NTM: variants seen among roughly 807,000 people sequenced by gnomAD.
NTM encodes IgLON family member 2.
A neutral mutation model predicts 42.1 loss-of-function variants in NTM; 13 were observed. The ratio of observed to expected loss-of-function variants is 0.31; its 90% confidence interval spans 0.20 to 0.49. The LOEUF is 0.49. Ranked by LOEUF, NTM falls within the 20% of genes least tolerant of loss-of-function variation. NTM has a pLI of 0.99. For missense variants in NTM, 373 were observed against 452.8 expected, an observed-to-expected ratio of 0.82 and a Z score of 1.60; for synonymous variants, 187 against 179.2, an observed-to-expected ratio of 1.04 and a Z score of -0.35.
At chr11:131,871,173 G>A (rs537111120) in intron 1 of NTM, among the ~76,000 whole-genome samples, 24 of 152,302 alleles carry the variant, frequency 1.6e-4, no homozygotes, top group African/African-American at 5.5e-4. Context: ...TTTAATCAGG[G>A]AGAACATGAA....
chr11:132,275,990 T>TC (rs1342764533), intron 4 of NTM, among the ~76,000 whole-genome samples: 5 of 151,962 alleles, frequency 3.3e-5, no homozygotes, highest in Non-Finnish European at 1.5e-5. Flanking sequence ...CATCCTCGCC[T>TC]CCTGCTTCTC....
At chr11:131,586,566 C>T (rs762943932) in intron 1 of NTM, among the ~76,000 whole-genome samples, 4 of 152,148 alleles carry the variant, frequency 2.6e-5, no homozygotes, top group Non-Finnish European at 4.4e-5. Context: ...GATGAGACCA[C>T]AGCTCTGGCC....
intron 1 of NTM, among the ~76,000 whole-genome samples, chr11:131,639,874 T>G (rs2064908328): frequency 6.6e-6 from 1 of 151,948 alleles, no homozygotes; most frequent in African/African-American, 2.4e-5. Flanking sequence ...GAGAATCACT[T>G]GAACCCGGGA....
chr11:131,581,607 A>C (rs58575147), intron 1 of NTM, among the ~76,000 whole-genome samples: 2 of 152,120 alleles, frequency 1.3e-5, no homozygotes, highest in Admixed American at 6.5e-5. Context: ...CTTCCTCGTT[A>C]TTCTGACTCT....
At position 131,621,860 on chromosome 11, in the gene NTM, T is replaced by A. The variant is rs867907008; in HGVS notation, c.82+250972T>A. Reference sequence around the variant, plus strand: ...AAAAAAAAAGGAAGCTACAGACAAGTGGGGAAAGAATTATTTCTATGTGGA... The same window carrying A: ...AAAAAAAAAGGAAGCTACAGACAAGAGGGGAAAGAATTATTTCTATGTGGA... On this transcript the variant is annotated intron_variant, in intron 1 of 8. Transcript: ENST00000683400. Among the ~76,000 whole-genome samples the A allele has an allele frequency of 2.7e-3, 374 of 138,054 alleles. 4 individuals carry two copies. The highest frequency in any genetic ancestry group is 9.7e-3 in the African/African-American group (360 of 37,026). 90.6% of individuals were successfully genotyped at this position (138,054 alleles called of 152,430 possible).
chr11:131,908,762 T>A (rs929132673), intron 1 of NTM, among the ~76,000 whole-genome samples: 1 of 152,144 alleles, frequency 6.6e-6, no homozygotes, highest in Non-Finnish European at 1.5e-5. Flanking sequence ...CGTGGTGAAG[T>A]TTTTCAATTT....
intron 1 of NTM, among the ~76,000 whole-genome samples, chr11:131,741,205 GAGAT>G (rs1372674687): frequency 3.2e-5 from 4 of 124,600 alleles, no homozygotes; most frequent in South Asian, 2.6e-4. Context: ...GAGAGAGAGA[GAGAT>G]GTTTTTTGGA....
intron 1 of NTM, among the ~76,000 whole-genome samples, chr11:131,550,665 A>T (rs1298539783): frequency 6.6e-6 from 1 of 151,972 alleles, no homozygotes; most frequent in Non-Finnish European, 1.5e-5. Flanking sequence ...TTTCTTTATA[A>T]ATTACCCAGT....
chr11:132,232,323 CAA>C (rs1484829399), intron 4 of NTM, among the ~76,000 whole-genome samples: 1 of 152,084 alleles, frequency 6.6e-6, no homozygotes, highest in Non-Finnish European at 1.5e-5. Context: ...GGAGAGAAAG[CAA>C]AGAGTGTGGG....
At chr11:131,944,191 T>G (rs941875505) in intron 2 of NTM, among the ~76,000 whole-genome samples, 3 of 152,216 alleles carry the variant, frequency 2.0e-5, no homozygotes, top group African/African-American at 4.8e-5. Context: ...AAATGTGAAG[T>G]GCTTTATATC....
chr11:131,948,207 A>T (rs1046059711), intron 2 of NTM, among the ~76,000 whole-genome samples: 2 of 150,940 alleles, frequency 1.3e-5, no homozygotes, highest in Admixed American at 6.6e-5. Flanking sequence ...TAAAAATATA[A>T]AAAAAAAATT....
At chr11:132,237,009 C>T (rs1002431684) in intron 4 of NTM, among the ~76,000 whole-genome samples, 9 of 146,950 alleles carry the variant, frequency 6.1e-5, no homozygotes, top group African/African-American at 2.5e-4. Flanking sequence ...TAGAGAGGAC[C>T]CCAGTCCTCC....
chr11:131,623,143 C>T (rs1484729976), intron 1 of NTM, among the ~76,000 whole-genome samples: 1 of 152,192 alleles, frequency 6.6e-6, no homozygotes, highest in Non-Finnish European at 1.5e-5. Flanking sequence ...AGTGGAGAGA[C>T]TACCTTAAGT....
intron 2 of NTM, among the ~76,000 whole-genome samples, chr11:132,018,297 C>T (rs903701078): frequency 6.6e-6 from 1 of 151,700 alleles, no homozygotes; most frequent in Non-Finnish European, 1.5e-5. Flanking sequence ...GACATTCATG[C>T]CTCTTTCTTG....
intron 2 of NTM, among the ~76,000 whole-genome samples, chr11:131,936,598 A>G (rs1414814430): frequency 6.6e-6 from 1 of 152,244 alleles, no homozygotes; most frequent in East Asian, 1.9e-4. Context: ...TATAAAATTC[A>G]TCTGTGTAAC....
At chr11:131,688,518 CCT>C (rs1393442687) in intron 1 of NTM, among the ~76,000 whole-genome samples, 2 of 152,358 alleles carry the variant, frequency 1.3e-5, no homozygotes, top group Non-Finnish European at 2.9e-5. Context: ...AGTCGCGGCT[CCT>C]CCCTCCGCCT....
chr11:131,396,736 A>G (rs1360379662), intron 1 of NTM, among the ~76,000 whole-genome samples: 1 of 152,046 alleles, frequency 6.6e-6, no homozygotes, highest in Non-Finnish European at 1.5e-5. Flanking sequence ...CGAGAGGCTG[A>G]GGCAGGAGAA....
At chr11:132,171,470 G>A (rs1286792229) in intron 3 of NTM, among the ~76,000 whole-genome samples, 1 of 152,180 alleles carries the variant, frequency 6.6e-6, no homozygotes, top group Non-Finnish European at 1.5e-5. Flanking sequence ...TGGTGAGAGT[G>A]GTGAGGGGTC....
At chr11:131,840,430 C>T (rs993384189) in intron 1 of NTM, among the ~76,000 whole-genome samples, 15 of 152,038 alleles carry the variant, frequency 9.9e-5, no homozygotes. Flanking sequence ...CACACGCTGC[C>T]GATGGACCAA....
Sources: gnomAD v4.1 joint callset for allele counts (sites outside exome capture counted in the v4.1 genomes callset) on GRCh38, gnomAD v4.1.1 for gene constraint, MANE v1.5 for transcripts, NCBI Gene and HGNC (gene_info 2026-07-23, HGNC 2026-07-21) for gene names.